Variants in ZNF282 observed in about 807,000 individuals in gnomAD.
ZNF282 encodes the protein zinc finger protein 282, also known as HTLV-I U5 repressive element-binding protein 1.
ZNF282 carries 30 observed loss-of-function variants against 61.9 expected under a neutral mutation model. The ratio of observed to expected loss-of-function variants is 0.48; its 90% CI spans 0.36 to 0.66. The LOEUF is 0.66. Among genes scored for constraint, ZNF282 ranks in the 30% least tolerant of loss-of-function variants. The probability of loss-of-function intolerance (pLI) is 0.00; values close to 1 mark genes in which losing one functional copy is unlikely to be tolerated. For missense variants in ZNF282, 788 were observed against 941.4 expected (o/e 0.84, Z 2.13); for synonymous variants, 396 against 405.0 (o/e 0.98, Z 0.27).
At position 149,213,782 on chromosome 7, in the gene ZNF282, T is replaced by C; in HGVS notation, c.1148T>C (p.Met383Thr). Residue 383 changes from methionine to threonine, a missense_variant, in exon 7 of 8, where the codon ATG becomes ACG. Physicochemically the swap from Met to Thr is moderately conservative, Grantham distance 81. Transcript: ENST00000610704. ...TACCCATGGGGACCACGCGACTCAA[T>C]GGACGGAGAGCTTGGATTAGACTCT... ...QPYPWGPRDS[M>T]DGELGLDSGP... 3 of 1,614,018 alleles carry C rather than the reference T, an allele frequency of 1.9e-6. No homozygotes were observed. The highest frequency in any genetic ancestry group is 1.7e-4 in the Middle Eastern group (1 of 6,058).
In ZNF282 at chr7:149,207,412, T is replaced by C. The variant is rs777679729; in HGVS notation, c.774T>C (p.Pro258=). Reference sequence around the variant, plus strand: ...TCCAGGCTGAGCCCAGGGAAGAACCTTGTGTGTGGGAGCAGCGCCACCCCG... The same window carrying C: ...TCCAGGCTGAGCCCAGGGAAGAACCCTGTGTGTGGGAGCAGCGCCACCCCG... The part of the protein sequence containing the change: ...APVQAEPREE[P]CVWEQRHPEE... The change falls in exon 4 of 8, where the codon CCT becomes CCC. Residue 258 remains proline, a synonymous_variant. Coordinates refer to ENST00000610704, the MANE Select transcript of ZNF282 (RefSeq NM_003575.4). 2 of 1,575,946 alleles carry C rather than the reference T, an allele frequency of 1.3e-6. No individual in the cohort carries two copies. Among genetic ancestry groups the C allele is most frequent in the Non-Finnish European group, 1.7e-6 (2 of 1,159,214 alleles).
intron 4 of ZNF282, among the ~76,000 whole-genome samples, chr7:149,209,094 G>C (rs771387879): frequency 6.6e-6 from 1 of 151,518 alleles, no homozygotes; most frequent in Admixed American, 6.6e-5. Context: ...CGAGGAGGGC[G>C]AATCATGAGG....
chr7:149,222,272 G>A (rs1262093357), intron 7 of ZNF282, among the ~76,000 whole-genome samples: 1 of 152,198 alleles, frequency 6.6e-6, no homozygotes, highest in African/African-American at 2.4e-5. Flanking sequence ...TTATGGTGCT[G>A]CCAAGGTCCA....
Position 149,225,438 on chromosome 7 carries a change from C to A in ZNF282, c.*791C>A, listed in dbSNP as rs1435247520. ...GGGAACAGATTGGCTACGGAACGCCCCAGGTTGTACATTCAGAGGGCTCTT... is the reference window on the plus strand; with the variant it reads ...GGGAACAGATTGGCTACGGAACGCCACAGGTTGTACATTCAGAGGGCTCTT... On this transcript the variant is annotated 3_prime_UTR_variant, in exon 8 of 8. Transcript: ENST00000610704. 6.6e-6 allele frequency: 1 copy of A among 152,080 alleles called. No individual in the cohort carries two copies. Among genetic ancestry groups the A allele is most frequent in the Admixed American group, 6.5e-5 (1 of 15,270 alleles). The allele number at this position is 152,080 out of a possible 1,614,324, so 9.4% of individuals were successfully genotyped here.
chr7:149,219,445 T>C (rs927471039), intron 7 of ZNF282, among the ~76,000 whole-genome samples: 3 of 152,148 alleles, frequency 2.0e-5, no homozygotes, highest in Non-Finnish European at 4.4e-5. Context: ...AGAGAATCTC[T>C]TGGGGAGGGT....
rs1795864691 is a variant in ZNF282, at chr7:149,198,887, C to T, written c.585+135C>T. On this transcript the variant is annotated intron_variant, in intron 2 of 7. Transcript: ENST00000610704. The surrounding 1 kb of genome is among the most constrained non-coding windows in gnomAD (Gnocchi z 4.3). Reference sequence around the variant, plus strand: ...ATCCAATTTCAGTGTCTTCTTAAAGCCTGTCTCCACTGAAACAACCTGGTC... The same window carrying T: ...ATCCAATTTCAGTGTCTTCTTAAAGTCTGTCTCCACTGAAACAACCTGGTC... 1 of 1,241,988 alleles carries T rather than the reference C, an allele frequency of 8.1e-7. No individual in the cohort carries two copies. Among genetic ancestry groups the T allele is most frequent in the Non-Finnish European group, 1.1e-6 (1 of 917,092 alleles). The allele number at this position is 1,241,988 out of a possible 1,614,324, so 76.9% of individuals were successfully genotyped here.
chr7:149,220,632 A>G (rs1367173466), intron 7 of ZNF282, among the ~76,000 whole-genome samples: 1 of 152,144 alleles, frequency 6.6e-6, no homozygotes, highest in Non-Finnish European at 1.5e-5. Context: ...ATGAGTGTAC[A>G]GGAAAGCCCA....
intron 7 of ZNF282, among the ~76,000 whole-genome samples, chr7:149,214,418 G>A (rs570175529): frequency 6.6e-6 from 1 of 152,112 alleles, no homozygotes; most frequent in Non-Finnish European, 1.5e-5. Flanking sequence ...TGGTGGGGAG[G>A]GGGGAAGGCA....
In ZNF282 at chr7:149,198,358, G is replaced by C; in HGVS notation, c.191G>C (p.Arg64Pro). 6.2e-7 allele frequency: 1 copy of C among 1,612,108 alleles called. No homozygotes were observed. The highest frequency in any genetic ancestry group is 8.5e-7 in the Non-Finnish European group (1 of 1,178,666). Residue 64 changes from arginine (R) to proline (P), a missense_variant, in exon 2 of 8, where the codon CGG becomes CCG. Physicochemically the swap from Arg to Pro is moderately radical, Grantham distance 103. Transcript: ENST00000610704. This position sits in a 1 kb window ranked among gnomAD's most constrained non-coding sequence, Gnocchi z 4.3. ...GCTCAAGAATGGGACATGGACGCCC[G>C]GCGGCCAATGCCTTTTCAGTTCCCA... ...MQAQEWDMDA[R>P]RPMPFQFPPF...
intron 3 of ZNF282, 99 bp downstream of exon 3, chr7:149,206,921 AT>A: frequency 6.7e-7 from 1 of 1,484,228 alleles, no homozygotes; most frequent in Non-Finnish European, 9.1e-7. Flanking sequence ...GTTGTTTCAT[AT>A]TTTTATGTAA....
intron 7 of ZNF282, among the ~76,000 whole-genome samples, chr7:149,220,468 G>C (rs1219882993): frequency 6.6e-6 from 1 of 152,146 alleles, no homozygotes; most frequent in East Asian, 1.9e-4. Flanking sequence ...GAAGTCCTAA[G>C]GTAGGTCAGG....
intron 7 of ZNF282, among the ~76,000 whole-genome samples, chr7:149,221,065 G>A (rs114256444): frequency 0.012 from 1,769 of 152,160 alleles, 30 homozygotes; most frequent in African/African-American, 0.04. Flanking sequence ...GACCACAGGC[G>A]TGTGTCACAG....
chr7:149,204,446 C>T (rs1406026143), intron 2 of ZNF282, among the ~76,000 whole-genome samples: 3 of 151,980 alleles, frequency 2.0e-5, no homozygotes, highest in Non-Finnish European at 2.9e-5. Context: ...CCTGAGGGAG[C>T]AGCGTGTTGA....
At chr7:149,200,609 T>A (rs1202404) in intron 2 of ZNF282, among the ~76,000 whole-genome samples, 123,940 of 151,880 alleles carry the variant, frequency 0.82, 51,103 homozygotes, top group East Asian at 0.97. Context: ...TTATTTATTT[T>A]TTTTGAGACA....
At chr7:149,223,446 T>G (rs1167915907) in intron 7 of ZNF282, among the ~76,000 whole-genome samples, 2 of 152,144 alleles carry the variant, frequency 1.3e-5, no homozygotes, top group African/African-American at 2.4e-5. Context: ...AGACCCTGTC[T>G]GGAAAAACAA....
intron 5 of ZNF282, among the ~76,000 whole-genome samples, chr7:149,211,475 C>T (rs1226421264): frequency 6.6e-6 from 1 of 152,070 alleles, no homozygotes; most frequent in Admixed American, 6.6e-5. Context: ...GAGGCCCGCC[C>T]ACATCATAGA....
At chr7:149,215,195 ATTTTT>A (rs36096302) in intron 7 of ZNF282, among the ~76,000 whole-genome samples, 8 of 90,694 alleles carry the variant, frequency 8.8e-5, no homozygotes, top group African/African-American at 3.4e-4. Flanking sequence ...ATTTCCTGAC[ATTTTT>A]TTTTTTTTTT....
At chr7:149,206,339 C>T (rs1202417) in intron 2 of ZNF282, among the ~76,000 whole-genome samples, 127,121 of 152,100 alleles carry the variant, frequency 0.84, 53,788 homozygotes, top group East Asian at 0.97. Flanking sequence ...TTTACTCTAC[C>T]TGGCTCACGG....
At chr7:149,213,567 C>T (rs1249257744) in intron 6 of ZNF282, 134 bp from the exon 7 acceptor site, 1 of 659,118 alleles carries the variant, frequency 1.5e-6, no homozygotes, top group Non-Finnish European at 2.7e-6. Flanking sequence ...AGGAGGATGG[C>T]CTGGAAATGC....
Sources: gnomAD v4.1 joint callset for allele counts (sites outside exome capture counted in the v4.1 genomes callset) on GRCh38, gnomAD v4.1.1 for gene constraint, Gnocchi (gnomAD v3.1) non-coding constraint, MANE v1.5 for transcripts, NCBI Gene and HGNC (gene_info 2026-07-23, HGNC 2026-07-21) for gene names.